Variants in PTPRT observed in about 807,000 individuals in gnomAD.
PTPRT encodes receptor-type tyrosine-protein phosphatase T.
Under a neutral mutation model 176.8 loss-of-function variants are expected in PTPRT, and 56 were observed. The observed-to-expected ratio is 0.32, with a 90% CI of 0.26 to 0.40. The LOEUF (loss-of-function observed/expected upper bound fraction) is 0.40. PTPRT is among the 10% of genes least tolerant of loss of function. PTPRT has a pLI of 1.00. For synonymous variants in PTPRT, 783 were observed against 739.0 expected (o/e 1.06, Z -0.96); for missense variants, 1,540 against 1,908.2 (o/e 0.81, Z 3.60).
At chr20:42,469,163 G>A (rs1601082456) in intron 8 of PTPRT, among the ~76,000 whole-genome samples, 1 of 151,396 alleles carries the variant, frequency 6.6e-6, no homozygotes, top group South Asian at 2.1e-4. Flanking sequence ...TATATACCAT[G>A]CCACTTAATG....
At chr20:42,309,261 A>G (rs1384048588) in intron 12 of PTPRT, among the ~76,000 whole-genome samples, 1 of 152,188 alleles carries the variant, frequency 6.6e-6, no homozygotes, top group Non-Finnish European at 1.5e-5. Flanking sequence ...CAACTTCACA[A>G]TTACGGCTAA....
Position 42,472,416 on chromosome 20 carries a change from G to C in PTPRT, c.1300C>G (p.Gln434Glu), listed in dbSNP as rs1417559177. The change falls in exon 8 of 31, where the codon CAG becomes GAG. Residue 434 changes from glutamine to glutamate, a missense_variant. Gln to Glu is a conservative substitution (Grantham distance 29). Transcript: ENST00000373187. Reference protein sequence around the residue: ...VQYQYVFNQQQYEAEEVIQTS... With the variant: ...VQYQYVFNQQEYEAEEVIQTS... Reference sequence around the variant, plus strand: ...TGGATGACCTCCTCGGCCTCGTACTGCTGCTGGTTGAACACATACTGGTAC... The same window carrying C: ...TGGATGACCTCCTCGGCCTCGTACTCCTGCTGGTTGAACACATACTGGTAC... 2.5e-6 allele frequency: 4 copies of C among 1,614,258 alleles called. No homozygotes were observed. The highest frequency in any genetic ancestry group is 2.5e-6 in the Non-Finnish European group (3 of 1,180,048).
chr20:42,673,760 C>T (rs1321271951), intron 7 of PTPRT, among the ~76,000 whole-genome samples: 1 of 152,154 alleles, frequency 6.6e-6, no homozygotes, highest in African/African-American at 2.4e-5. Context: ...AGAATTTCAA[C>T]ATATGAATTT....
chr20:42,284,563 C>A (rs2057197024), intron 12 of PTPRT, among the ~76,000 whole-genome samples: 1 of 152,018 alleles, frequency 6.6e-6, no homozygotes, highest in South Asian at 2.1e-4. Context: ...ATTCCTTCTT[C>A]CACGTTGATA....
intron 7 of PTPRT, among the ~76,000 whole-genome samples, chr20:42,597,802 A>T (rs1294782893): frequency 6.6e-6 from 1 of 152,208 alleles, no homozygotes; most frequent in African/African-American, 2.4e-5. Context: ...AGAGTAATGC[A>T]TATGGGTTAG....
chr20:42,565,206 C>A (rs977932424), intron 7 of PTPRT, among the ~76,000 whole-genome samples: 4 of 152,132 alleles, frequency 2.6e-5, no homozygotes, highest in Non-Finnish European at 4.4e-5. Flanking sequence ...CACAGCCCAC[C>A]CACCTGGAAC....
chr20:42,273,859 G>T (rs2056981495), intron 13 of PTPRT, among the ~76,000 whole-genome samples: 1 of 152,254 alleles, frequency 6.6e-6, no homozygotes, highest in Non-Finnish European at 1.5e-5. Flanking sequence ...TAAAGCCTTA[G>T]TTGGGTTGGT....
intron 2 of PTPRT, among the ~76,000 whole-genome samples, chr20:42,825,991 C>T (rs370644517): frequency 6.6e-6 from 1 of 152,018 alleles, no homozygotes; most frequent in Admixed American, 6.6e-5. Flanking sequence ...GTTAAGACAA[C>T]CACCCACAAA....
chr20:42,241,715 C>T (rs1432331453), intron 14 of PTPRT, among the ~76,000 whole-genome samples: 2 of 151,954 alleles, frequency 1.3e-5, no homozygotes, highest in South Asian at 4.2e-4. Flanking sequence ...AAGTGGCTGT[C>T]CACGTGAGTG....
chr20:42,597,836 T>C (rs1054842339), intron 7 of PTPRT, among the ~76,000 whole-genome samples: 1 of 152,138 alleles, frequency 6.6e-6, no homozygotes, highest in Non-Finnish European at 1.5e-5. Context: ...GTTCCACCCA[T>C]GCCCAAAGGG....
At position 43,067,219 on chromosome 20, in the gene PTPRT, C is replaced by T. The variant is rs73907490; in HGVS notation, c.88+122427G>A. On this transcript the variant is annotated intron_variant, in intron 1 of 30. Coordinates refer to ENST00000373187, the MANE Select transcript of PTPRT (RefSeq NM_007050.6). ...TATGCTAAGTGAGAGAAGCCAGACACACAAAAATCACATTTTGTATAATTT... is the reference window on the plus strand; with the variant it reads ...TATGCTAAGTGAGAGAAGCCAGACATACAAAAATCACATTTTGTATAATTT... Among the ~76,000 whole-genome samples, 907 of 152,246 alleles carry T rather than the reference C, an allele frequency of 6.0e-3. 14 individuals are homozygous for T. Among genetic ancestry groups the T allele is most frequent in the African/African-American group, 0.021 (880 of 41,540 alleles).
At chr20:42,222,477 T>A (rs912043472) in intron 15 of PTPRT, among the ~76,000 whole-genome samples, 1 of 152,200 alleles carries the variant, frequency 6.6e-6, no homozygotes, top group African/African-American at 2.4e-5. Flanking sequence ...TCCTTTCACT[T>A]GCCCCAAGGC....
chr20:42,219,987 G>A lies in PTPRT; in HGVS notation c.2342+16242C>T, dbSNP rs189446904. On this transcript the variant is annotated intron_variant, in intron 15 of 30. Transcript: ENST00000373187. Reference sequence around the variant, plus strand: ...CATGCAGTAGCCTTTTTTGAGTAACGAAATTATTTCCCCATCTGAGATATC... The same window carrying A: ...CATGCAGTAGCCTTTTTTGAGTAACAAAATTATTTCCCCATCTGAGATATC... Among the ~76,000 whole-genome samples, 551 of 151,974 alleles carry A rather than the reference G, an allele frequency of 3.6e-3. 5 individuals are homozygous for A. Among genetic ancestry groups the A allele is most frequent in the African/African-American group, 0.012 (517 of 41,452 alleles).
chr20:42,577,457 T>C (rs2073281178), intron 7 of PTPRT, among the ~76,000 whole-genome samples: 1 of 152,130 alleles, frequency 6.6e-6, no homozygotes, highest in Non-Finnish European at 1.5e-5. Context: ...GCATGCAGGT[T>C]TGAGAACACT....
At chr20:43,032,970 C>T (rs1240774181) in intron 1 of PTPRT, among the ~76,000 whole-genome samples, 5 of 152,166 alleles carry the variant, frequency 3.3e-5, no homozygotes, top group African/African-American at 1.2e-4. Context: ...TTATGCCAAG[C>T]CATTGTGTCC....
intron 6 of PTPRT, among the ~76,000 whole-genome samples, chr20:42,699,263 A>G (rs1267312864): frequency 6.6e-6 from 1 of 152,146 alleles, no homozygotes; most frequent in African/African-American, 2.4e-5. Flanking sequence ...CATACACCAA[A>G]TCACATCTCA....
intron 16 of PTPRT, among the ~76,000 whole-genome samples, chr20:42,175,504 G>T (rs1195845631): frequency 6.6e-6 from 1 of 152,174 alleles, no homozygotes; most frequent in Non-Finnish European, 1.5e-5. Context: ...ATGAATGAAT[G>T]GTGGTTACCA....
intron 1 of PTPRT, among the ~76,000 whole-genome samples, chr20:43,160,215 C>T (rs1367444082): frequency 6.6e-6 from 1 of 152,102 alleles, no homozygotes; most frequent in Non-Finnish European, 1.5e-5. Flanking sequence ...TGTTTGGTGT[C>T]CTGGGAAAAC....
At chr20:42,995,681 T>C (rs1984183557) in intron 1 of PTPRT, among the ~76,000 whole-genome samples, 1 of 152,176 alleles carries the variant, frequency 6.6e-6, no homozygotes, top group Admixed American at 6.6e-5. Context: ...GATCTTACCA[T>C]CCAACTCACT....
Sources: allele counts gnomAD v4.1 joint callset (sites outside exome capture counted in the v4.1 genomes callset), GRCh38; gene constraint gnomAD v4.1.1; transcripts MANE v1.5; gene names NCBI Gene and HGNC (gene_info 2026-07-23, HGNC 2026-07-21).